SNRNP40: variants seen among roughly 807,000 people sequenced by gnomAD.
SNRNP40 encodes the protein U5 small nuclear ribonucleoprotein 40 kDa protein.
A neutral mutation model predicts 45.8 loss-of-function variants in SNRNP40; 21 were observed. The ratio of observed to expected loss-of-function variants is 0.46; its 90% CI spans 0.32 to 0.66. The LOEUF is 0.66. Among genes scored for constraint, SNRNP40 ranks in the 30% least tolerant of loss-of-function variants. SNRNP40 has a pLI of 0.03. For synonymous variants in SNRNP40, 142 were observed against 163.8 expected, an observed-to-expected ratio of 0.87 and a Z score of 1.01; for missense variants, 344 against 439.1, an observed-to-expected ratio of 0.78 and a Z score of 1.94.
intron 5 of SNRNP40, among the ~76,000 whole-genome samples, chr1:31,273,305 T>C (rs1261902901): frequency 6.6e-6 from 1 of 152,102 alleles, no homozygotes; most frequent in African/African-American, 2.4e-5. Context: ...TTGAGGCCTG[T>C]ACACCTTGTT....
chr1:31,295,612 A>G (rs1316427008), intron 1 of SNRNP40, among the ~76,000 whole-genome samples: 1 of 152,226 alleles, frequency 6.6e-6, no homozygotes, highest in Non-Finnish European at 1.5e-5. Flanking sequence ...AGGTAAAGGG[A>G]AAGAGGGCAA....
intron 4 of SNRNP40, among the ~76,000 whole-genome samples, chr1:31,282,652 G>GTATCTATCTATCTATCTA (rs1283028596): frequency 6.7e-6 from 1 of 150,112 alleles, no homozygotes; most frequent in Non-Finnish European, 1.5e-5. Context: ...ATGTATCTAT[G>GTATCTATCTATCTATCTA]TGTCTATCTA....
chr1:31,271,998 T>C (rs1180663765), intron 5 of SNRNP40, among the ~76,000 whole-genome samples: 1 of 152,114 alleles, frequency 6.6e-6, no homozygotes, highest in African/African-American at 2.4e-5. Flanking sequence ...TATAAACGAA[T>C]GCATATCAAA....
chr1:31,271,589 A>T, intron 5 of SNRNP40, 90 bp from the exon 6 acceptor site: 1 of 1,205,954 alleles, frequency 8.3e-7, no homozygotes, highest in Non-Finnish European at 1.2e-6. Flanking sequence ...TTGCCCAGAG[A>T]CACTGATATT....
chr1:31,278,896 C>G (rs1645994213), intron 5 of SNRNP40, among the ~76,000 whole-genome samples: 1 of 152,018 alleles, frequency 6.6e-6, no homozygotes, highest in Admixed American at 6.6e-5. Context: ...TTTAAAGACT[C>G]CACAGACAGA....
chr1:31,259,807 T>A lies in SNRNP40; in HGVS notation c.*265A>T, dbSNP rs1356104332. On this transcript the variant is annotated 3_prime_UTR_variant, in exon 10 of 10. Transcript: ENST00000263694. ...CAAATTTGTCACATTGGGCCTGCATTAGAAAACAGGAAAAAAGAAAAAGAA... is the reference window on the plus strand; with the variant it reads ...CAAATTTGTCACATTGGGCCTGCATAAGAAAACAGGAAAAAAGAAAAAGAA... 4.9e-6 allele frequency: 3 copies of A among 613,210 alleles called. No individual in the cohort carries two copies. Among genetic ancestry groups the A allele is most frequent in the Middle Eastern group, 2.6e-4 (1 of 3,914 alleles). The allele number at this position is 613,210 out of a possible 1,614,324, so 38.0% of individuals were successfully genotyped here.
At position 31,260,754 on chromosome 1, in the gene SNRNP40, T is replaced by G. The variant is rs370935603; in HGVS notation, c.1025-633A>C. ...GTGGGTGCCTGTAGTCCCAGCTACT[T>G]GGGAGGCTGAGGCAGGAGAATCGCT... On this transcript the variant is annotated intron_variant, in intron 9 of 9. Transcript: ENST00000263694. Among the ~76,000 whole-genome samples, 1,276 of 149,504 alleles carry G rather than the reference T, an allele frequency of 8.5e-3. 20 individuals are homozygous for G. The highest frequency in any genetic ancestry group is 0.03 in the African/African-American group (1,200 of 40,480).
At chr1:31,283,140 CCA>C (rs1209445770) in intron 4 of SNRNP40, among the ~76,000 whole-genome samples, 1 of 152,142 alleles carries the variant, frequency 6.6e-6, no homozygotes, top group African/African-American at 2.4e-5. Context: ...AAGGCAGGCT[CCA>C]ACATACAAAA....
At chr1:31,293,096 A>G in intron 2 of SNRNP40, 123 bp downstream of exon 2, 1 of 1,026,988 alleles carries the variant, frequency 9.7e-7, no homozygotes, top group Non-Finnish European at 1.4e-6. Flanking sequence ...ATTTTAGCAT[A>G]TTAGCCATGC....
At chr1:31,284,621 G>A (rs1646042713) in intron 4 of SNRNP40, among the ~76,000 whole-genome samples, 1 of 152,158 alleles carries the variant, frequency 6.6e-6, no homozygotes, top group African/African-American at 2.4e-5. Context: ...AAGAGACTTT[G>A]GGATGACTGT....
chr1:31,290,948 C>T (rs1480282835), intron 3 of SNRNP40, among the ~76,000 whole-genome samples: 2 of 151,890 alleles, frequency 1.3e-5, no homozygotes, highest in East Asian at 1.9e-4. Context: ...TATGCAACAA[C>T]TAAACAGTTC....
At chr1:31,281,311 G>A in intron 5 of SNRNP40, 63 bp downstream of exon 5, 1 of 1,436,850 alleles carries the variant, frequency 7.0e-7, no homozygotes. Flanking sequence ...TCAGAAGTTT[G>A]AAAAAATTCG....
At chr1:31,261,365 A>C (rs539890013) in intron 9 of SNRNP40, among the ~76,000 whole-genome samples, 164 bp downstream of exon 9, 1 of 152,238 alleles carries the variant, frequency 6.6e-6, no homozygotes, top group Non-Finnish European at 1.5e-5. Flanking sequence ...AAAACAAAAC[A>C]AAACCCAACA....
At chr1:31,294,607 C>T (rs997140424) in intron 1 of SNRNP40, among the ~76,000 whole-genome samples, 5 of 151,754 alleles carry the variant, frequency 3.3e-5, no homozygotes, top group Non-Finnish European at 4.4e-5. Flanking sequence ...TTACAGGCAC[C>T]CACCACCAAG....
At chr1:31,294,520 C>G (rs1381450207) in intron 1 of SNRNP40, among the ~76,000 whole-genome samples, 1 of 151,560 alleles carries the variant, frequency 6.6e-6, no homozygotes, top group African/African-American at 2.4e-5. Context: ...AGTACAATGG[C>G]GTGATCTCGT....
Position 31,293,285 on chromosome 1 carries a change from C to T in SNRNP40, c.205G>A (p.Val69Ile). ...IMLLSGHEGE[V>I]YCCKFHPNGS... Reference sequence around the variant, plus strand: ...TTGGGGTGGAACTTGCAGCAGTAGACTTCCCCTTCATGTCCAGAGAGCAGC... The same window carrying T: ...TTGGGGTGGAACTTGCAGCAGTAGATTTCCCCTTCATGTCCAGAGAGCAGC... Residue 69 changes from valine (V) to isoleucine (I), a missense_variant, in exon 2 of 10, where the codon GTC (valine) becomes ATC (isoleucine). This residue lies in a region of SNRNP40 where 254 missense variants were observed against 380.2 expected (regional missense o/e 0.67). Coordinates refer to ENST00000263694, the MANE Select transcript of SNRNP40 (RefSeq NM_004814.3). 1 of 1,614,112 alleles carries T rather than the reference C, an allele frequency of 6.2e-7. No individual in the cohort carries two copies. Among genetic ancestry groups the T allele is most frequent in the Non-Finnish European group, 8.5e-7 (1 of 1,180,000 alleles).
At position 31,259,804 on chromosome 1, in the gene SNRNP40, C is replaced by T. The variant is rs1393023118; in HGVS notation, c.*268G>A. On this transcript the variant is annotated 3_prime_UTR_variant, in exon 10 of 10. Transcript: ENST00000263694. ...CAACAAATTTGTCACATTGGGCCTG[C>T]ATTAGAAAACAGGAAAAAAGAAAAA... 24 of 606,030 alleles carry T rather than the reference C, an allele frequency of 4.0e-5. No individual in the cohort carries two copies. Among genetic ancestry groups the T allele is most frequent in the Non-Finnish European group, 6.9e-5 (23 of 332,502 alleles). 37.5% of individuals were successfully genotyped at this position (606,030 alleles called of 1,614,324 possible). A position where few individuals can be genotyped will look rare whatever the true frequency, so the allele number is the denominator to read the frequency against.
intron 5 of SNRNP40, among the ~76,000 whole-genome samples, chr1:31,275,620 C>T (rs1645969281): frequency 6.6e-6 from 1 of 152,282 alleles, no homozygotes; most frequent in African/African-American, 2.4e-5. Context: ...GAACTCCCGG[C>T]CTCAAGTGAT....
At chr1:31,261,438 TA>T in intron 9 of SNRNP40, 90 bp downstream of exon 9, 2 of 809,566 alleles carry the variant, frequency 2.5e-6, no homozygotes, top group Non-Finnish European at 4.1e-6. Flanking sequence ...GAAATTCGTA[TA>T]AAACAGATAC....
Sources: gnomAD v4.1 joint callset for allele counts (sites outside exome capture counted in the v4.1 genomes callset) on GRCh38, gnomAD v4.1.1 for gene constraint, gnomAD v4.1.1 regional missense constraint, MANE v1.5 for transcripts, NCBI Gene and HGNC (gene_info 2026-07-23, HGNC 2026-07-21) for gene names.